Variants in SRGAP2B observed in about 807,000 individuals in gnomAD.
SRGAP2B encodes the protein SLIT-ROBO Rho GTPase-activating protein 2B.
A neutral mutation model predicts 22.2 loss-of-function variants in SRGAP2B; 9 were observed. That is an observed-to-expected ratio of 0.41 (90% CI 0.24 to 0.71). The LOEUF is 0.71. Among genes scored for constraint, SRGAP2B ranks in the 30% least tolerant of loss-of-function variants. The pLI, the probability that SRGAP2B is intolerant of heterozygous loss-of-function variation, is 0.35. For synonymous variants in SRGAP2B, 36 were observed against 87.4 expected, an observed-to-expected ratio of 0.41 and a Z score of 3.28; for missense variants, 114 against 235.8, an observed-to-expected ratio of 0.48 and a Z score of 3.38.
chr1:145,008,871 C>CAA (rs782194327), intron 2 of SRGAP2B, among the ~76,000 whole-genome samples: 3 of 134,524 alleles, frequency 2.2e-5, no homozygotes, highest in Admixed American at 7.4e-5. Flanking sequence ...AACAAAACAC[C>CAA]AAAAAAAAAA....
At chr1:144,976,685 T>G in intron 3 of SRGAP2B, among the ~76,000 whole-genome samples, 2 of 143,374 alleles carry the variant, frequency 1.4e-5, no homozygotes, top group East Asian at 3.9e-4. Context: ...GACATATCAA[T>G]AAGACACAGA....
At chr1:144,959,187 G>C (rs1215780428) in intron 3 of SRGAP2B, among the ~76,000 whole-genome samples, 1 of 150,152 alleles carries the variant, frequency 6.7e-6, no homozygotes, top group Admixed American at 6.6e-5. Flanking sequence ...ATGTGAGACC[G>C]TGGTTGGGTA....
At chr1:144,944,122 T>C (rs1243369528) in intron 4 of SRGAP2B, among the ~76,000 whole-genome samples, 1 of 150,408 alleles carries the variant, frequency 6.6e-6, no homozygotes, top group Non-Finnish European at 1.5e-5. Context: ...AGTAATTTAA[T>C]AGCCTCCTAG....
rs1356808647 is a variant in SRGAP2B, at chr1:144,909,408, C to A, written c.487-3334G>T. ...GACCATCCTGGCTAACACGATGAAA[C>A]CCCGTCTCTACTAAAAATACAAAAA... On this transcript the variant is annotated intron_variant, in intron 5 of 9. Transcript: ENST00000612199. 1.4e-5 allele frequency among the ~76,000 whole-genome samples: 2 copies of A among 144,996 alleles called. 1 individual carries two copies. The highest frequency in any genetic ancestry group is 5.4e-5 in the African/African-American group (2 of 37,030).
At chr1:144,980,472 C>T (rs1395489751) in intron 3 of SRGAP2B, among the ~76,000 whole-genome samples, 3 of 148,908 alleles carry the variant, frequency 2.0e-5, no homozygotes, top group Non-Finnish European at 3.0e-5. Flanking sequence ...TGCCCTGTCC[C>T]GACTGCTTAA....
chr1:144,971,698 A>G (rs1553613322), intron 3 of SRGAP2B, among the ~76,000 whole-genome samples: 1 of 150,906 alleles, frequency 6.6e-6, no homozygotes, highest in African/African-American at 2.5e-5. Context: ...AAACGAAAGA[A>G]TCATGTGCAA....
intron 4 of SRGAP2B, among the ~76,000 whole-genome samples, chr1:144,920,360 G>C (rs1664144263): frequency 6.7e-6 from 1 of 150,202 alleles, no homozygotes; most frequent in South Asian, 2.1e-4. Flanking sequence ...TGAACTCTTG[G>C]GCTCAACTGT....
At chr1:145,070,025 A>T (rs1420476094) in intron 2 of SRGAP2B, among the ~76,000 whole-genome samples, 2 of 149,404 alleles carry the variant, frequency 1.3e-5, no homozygotes, top group Non-Finnish European at 3.0e-5. Context: ...GTTGAGAAGG[A>T]ATGTCATCTT....
intron 3 of SRGAP2B, among the ~76,000 whole-genome samples, chr1:144,984,255 G>A (rs1669528377): frequency 6.7e-6 from 1 of 149,688 alleles, no homozygotes; most frequent in Non-Finnish European, 1.5e-5. Flanking sequence ...GGGAGGCAGA[G>A]GATGCAGTGA....
chr1:144,911,622 T>A (rs1373518259), intron 5 of SRGAP2B, among the ~76,000 whole-genome samples: 7 of 146,878 alleles, frequency 4.8e-5, no homozygotes, highest in Non-Finnish European at 8.9e-5. Context: ...AACTGCTATT[T>A]TTTTTTTTTT....
At chr1:144,978,790 T>G (rs1390521866) in intron 3 of SRGAP2B, among the ~76,000 whole-genome samples, 6 of 146,806 alleles carry the variant, frequency 4.1e-5, no homozygotes, top group African/African-American at 1.5e-4. Context: ...GTAAATCGCT[T>G]TTTTTCATCT....
intron 2 of SRGAP2B, among the ~76,000 whole-genome samples, chr1:145,007,458 G>A (rs1196381037): frequency 6.6e-6 from 1 of 150,956 alleles, no homozygotes; most frequent in African/African-American, 2.5e-5. Flanking sequence ...TTAGGTGTAT[G>A]TGTTGGGAAA....
chr1:145,021,718 G>A lies in SRGAP2B; in HGVS notation c.68-26518C>T, dbSNP rs587752588. Among the ~76,000 whole-genome samples, 632 of 149,386 alleles carry A rather than the reference G, an allele frequency of 4.2e-3. 6 individuals are homozygous for A. The highest frequency in any genetic ancestry group is 7.0e-3 in the Middle Eastern group (2 of 286). On this transcript the variant is annotated intron_variant, in intron 2 of 9. Coordinates refer to ENST00000612199, the Ensembl canonical transcript of SRGAP2B. Reference sequence around the variant, plus strand: ...AATCCCAGCTACTCAGGAGGCTGACGCAGGAGAATCTCTTGAACCCAGGAG... The same window carrying A: ...AATCCCAGCTACTCAGGAGGCTGACACAGGAGAATCTCTTGAACCCAGGAG...
chr1:144,978,614 CA>C lies in SRGAP2B; in HGVS notation c.260+16393del, dbSNP rs1351285704. ...GAGCCGAAATGGCATCATTGCACCC[CA>C]GCCTGGGCAACAGAGTGAGAGACTC... On this transcript the variant is annotated intron_variant, in intron 3 of 9. Transcript: ENST00000612199. Among the ~76,000 whole-genome samples, 5 of 150,560 alleles carry C rather than the reference CA, an allele frequency of 3.3e-5. No homozygotes were observed. The East Asian group carries it at 9.8e-4, about 29-fold the overall frequency.
chr1:145,075,774 G>T (rs1203839141), intron 2 of SRGAP2B, among the ~76,000 whole-genome samples: 1 of 147,234 alleles, frequency 6.8e-6, no homozygotes, highest in Non-Finnish European at 1.5e-5. Context: ...TAAAAGAGTT[G>T]TCTCTAGATT....
intron 2 of SRGAP2B, among the ~76,000 whole-genome samples, chr1:145,015,192 C>T (rs1459743119): frequency 3.9e-4 from 38 of 97,884 alleles, no homozygotes; most frequent in Admixed American, 1.0e-3. Flanking sequence ...TTCTAGTGAG[C>T]CTCAGCCTCC....
chr1:145,041,070 ATATAG>A (rs1330576250), intron 2 of SRGAP2B, among the ~76,000 whole-genome samples: 1,614 of 88,590 alleles, frequency 0.018, 6 homozygotes, highest in African/African-American at 0.084. Context: ...GCATGTATAT[ATATAG>A]TATATATATA....
At position 144,984,184 on chromosome 1, in the gene SRGAP2B, G is replaced by A. The variant is rs2474142; in HGVS notation, c.260+10824C>T. 8.6e-5 allele frequency among the ~76,000 whole-genome samples: 13 copies of A among 150,336 alleles called. 1 individual carries two copies. The highest frequency in any genetic ancestry group is 2.2e-4 in the African/African-American group (9 of 40,060). ...AAAAATACAAAATTAGCCTGGCGTC[G>A]TGGCGCATGCCTGTAATCCCAGCTA... On this transcript the variant is annotated intron_variant, in intron 3 of 9. Coordinates refer to ENST00000612199, the Ensembl canonical transcript of SRGAP2B.
rs1213909052 is a variant in SRGAP2B at position 144,905,816 on chromosome 1, G to A, written c.702+43C>T. ...AAATTCCTATCAGCCATGCCTTACC[G>A]AATGTTGCTTCCCAGCATCTACAGC... On this transcript the variant is annotated intron_variant, in intron 6 of 9. Coordinates refer to ENST00000612199, the Ensembl canonical transcript of SRGAP2B. 49 of 708,542 alleles carry A rather than the reference G, an allele frequency of 6.9e-5. 1 individual carries two copies. The highest frequency in any genetic ancestry group is 4.3e-4 in the South Asian group (29 of 66,858). 43.9% of individuals were successfully genotyped at this position (708,542 alleles called of 1,614,324 possible). A position where few individuals can be genotyped will look rare whatever the true frequency, so the allele number is the denominator to read the frequency against.
Sources: gnomAD v4.1 joint callset for allele counts (sites outside exome capture counted in the v4.1 genomes callset) on GRCh38, gnomAD v4.1.1 for gene constraint, MANE v1.5 for transcripts, NCBI Gene and HGNC (gene_info 2026-07-23, HGNC 2026-07-21) for gene names.